LEMD2: variants seen among roughly 807,000 people sequenced by gnomAD.
The protein encoded by LEMD2 is LEM domain-containing protein 2.
A neutral mutation model predicts 58.8 loss-of-function variants in LEMD2; 34 were observed. The ratio of observed to expected loss-of-function variants is 0.58; its 90% confidence interval spans 0.44 to 0.77. The LOEUF (loss-of-function observed/expected upper bound fraction) is 0.77. Ranked by LOEUF, LEMD2 falls within the 30% of genes least tolerant of loss-of-function variation. LEMD2 has a pLI of 0.00. For synonymous variants in LEMD2, 298 were observed against 308.9 expected (o/e 0.96, Z 0.37); for missense variants, 629 against 717.9 (o/e 0.88, Z 1.42).
chr6:33,778,767 T>A lies in LEMD2; in HGVS notation c.1011-380A>T, dbSNP rs916237621. 2 of 162,244 alleles carry A rather than the reference T, an allele frequency of 1.2e-5. No homozygotes were observed. Among genetic ancestry groups the A allele is most frequent in the Non-Finnish European group, 2.7e-5 (2 of 75,094 alleles). The allele number at this position is 162,244 out of a possible 1,614,324, so 10.1% of individuals were successfully genotyped here. A position where few individuals can be genotyped will look rare whatever the true frequency, so the allele number is the denominator to read the frequency against. ...GCATGGCAAGAACTGAAAGACAGAA[T>A]CTGGGAGGTTGCACTTTTCCTCGGT... On this transcript the variant is annotated intron_variant, in intron 5 of 8. Transcript: ENST00000293760. This position sits in a 1 kb window ranked among gnomAD's most constrained non-coding sequence, Gnocchi z 4.7.
At chr6:33,776,688 A>G (rs1354146474) in intron 8 of LEMD2, 11 of 485,318 alleles carry the variant, frequency 2.3e-5, no homozygotes, top group East Asian at 1.1e-4. Flanking sequence ...TTGGAGCCCA[A>G]GGCCTCCTAA....
chr6:33,772,429 C>A lies in LEMD2; in HGVS notation c.*199G>T. The A allele has an allele frequency of 1.9e-6, 1 of 524,968 alleles. No homozygotes were observed. The highest frequency in any genetic ancestry group is 3.3e-6 in the Non-Finnish European group (1 of 298,554). 32.5% of individuals were successfully genotyped at this position (524,968 alleles called of 1,614,324 possible). On this transcript the variant is annotated 3_prime_UTR_variant, in exon 9 of 9. Transcript: ENST00000293760. ...CTGGGCTATCACCCTGGCTTCTCCC[C>A]CTCCCTTTAAAGGAAGCCCACATTT...
intron 1 of LEMD2, among the ~76,000 whole-genome samples, chr6:33,787,583 G>A (rs1309706697): frequency 6.6e-6 from 1 of 152,240 alleles, no homozygotes; most frequent in African/African-American, 2.4e-5. Flanking sequence ...TTAAAAGTTG[G>A]TGAACTACAG....
At chr6:33,780,210 G>A (rs758648416) in intron 4 of LEMD2, 31 bp from the exon 5 acceptor site, 16 of 1,540,104 alleles carry the variant, frequency 1.0e-5, no homozygotes, top group Middle Eastern at 1.7e-4. Flanking sequence ...AGGTTAGTTC[G>A]GCGTCTGGGC....
At position 33,772,710 on chromosome 6, in the gene LEMD2, G is replaced by A. The variant is rs138593836; in HGVS notation, c.1430C>T (p.Thr477Met). The change falls in exon 9 of 9, where the codon ACG (threonine) becomes ATG (methionine). Residue 477 changes from threonine to methionine, a missense_variant. Physicochemically the swap from Thr to Met is moderately conservative, Grantham distance 81. Around this residue, in one of 2 missense-constraint regions of LEMD2, gnomAD observed 243 missense variants for 336.8 expected, o/e 0.72. Coordinates refer to ENST00000293760, the MANE Select transcript of LEMD2 (RefSeq NM_181336.4). Reference protein sequence around the residue: ...FLASNESRIQTESHRVAGEDM... With the variant: ...FLASNESRIQMESHRVAGEDM... ...CTCTCCTGCAACGCGGTGGGACTCCGTCTGGATCCGGGATTCGTTGGAGGC... is the reference window on the plus strand; with the variant it reads ...CTCTCCTGCAACGCGGTGGGACTCCATCTGGATCCGGGATTCGTTGGAGGC... 8.2e-4 allele frequency: 1,328 copies of A among 1,614,014 alleles called. No homozygotes were observed. Among genetic ancestry groups the A allele is most frequent in the Non-Finnish European group, 1.1e-3 (1,275 of 1,179,974 alleles).
chr6:33,788,674 G>A lies in LEMD2; in HGVS notation c.443C>T (p.Pro148Leu). ...ACCCGGGCCCTGCGTGGCCCTGTCGGGCGTCCGGGCGTCCTCGTCCTCCTC... is the reference window on the plus strand; with the variant it reads ...ACCCGGGCCCTGCGTGGCCCTGTCGAGCGTCCGGGCGTCCTCGTCCTCCTC... ...SSEEDEDARTPDRATQGPGLA... is the reference protein window; with the variant it reads ...SSEEDEDARTLDRATQGPGLA... The change falls in exon 1 of 9, where the codon CCC becomes CTC. Residue 148 changes from proline (P) to leucine (L), a missense_variant. Pro to Leu is a moderately conservative substitution (Grantham distance 98). Transcript: ENST00000293760. 1 of 1,332,700 alleles carries A rather than the reference G, an allele frequency of 7.5e-7. No homozygotes were observed. The highest frequency in any genetic ancestry group is 9.6e-7 in the Non-Finnish European group (1 of 1,041,840). The allele number at this position is 1,332,700 out of a possible 1,614,324, so 82.6% of individuals were successfully genotyped here. A position where few individuals can be genotyped will look rare whatever the true frequency, so the allele number is the denominator to read the frequency against.
Position 33,772,742 on chromosome 6 carries a change from C to G in LEMD2, c.1398G>C (p.Glu466Asp), listed in dbSNP as rs376495627. ...RMKRVWDRAV[E>D]FLASNESRIQ... Reference sequence around the variant, plus strand: ...TCCGGGATTCGTTGGAGGCCAGGAACTCCACAGCTCGGTCCCAGACACGCT... The same window carrying G: ...TCCGGGATTCGTTGGAGGCCAGGAAGTCCACAGCTCGGTCCCAGACACGCT... Residue 466 changes from glutamate (E) to aspartate (D), a missense_variant, in exon 9 of 9, where the codon GAG becomes GAC. This residue lies in a region of LEMD2 where 243 missense variants were observed against 336.8 expected (regional missense o/e 0.72). Coordinates refer to ENST00000293760, the MANE Select transcript of LEMD2 (RefSeq NM_181336.4). The G allele has an allele frequency of 3.7e-6, 6 of 1,613,826 alleles. No individual in the cohort carries two copies. The highest frequency in any genetic ancestry group is 5.1e-6 in the Non-Finnish European group (6 of 1,180,008).
intron 3 of LEMD2, among the ~76,000 whole-genome samples, chr6:33,782,902 G>A (rs146019584): frequency 6.6e-5 from 10 of 152,348 alleles, no homozygotes; most frequent in South Asian, 2.1e-4. Flanking sequence ...CCTTCAAGGC[G>A]GCCCCCCAGG....
At chr6:33,777,890 C>G (rs1426644331) in intron 6 of LEMD2, among the ~76,000 whole-genome samples, 1 of 152,218 alleles carries the variant, frequency 6.6e-6, no homozygotes, top group African/African-American at 2.4e-5. Context: ...GGCCAAGCCC[C>G]TGCTGTGCCT....
intron 2 of LEMD2, among the ~76,000 whole-genome samples, chr6:33,784,989 G>A (rs1767644174): frequency 6.6e-6 from 1 of 152,196 alleles, no homozygotes; most frequent in Admixed American, 6.5e-5. Context: ...ACCACCTAAA[G>A]GAAACAGGAG....
In LEMD2 at chr6:33,772,482, T is replaced by C; in HGVS notation, c.*146A>G. ...CTGCGAGCCGAACTCCTCTGAAGAGTATGGCAGACCTTTGGAATCGTGTCA... is the reference window on the plus strand; with the variant it reads ...CTGCGAGCCGAACTCCTCTGAAGAGCATGGCAGACCTTTGGAATCGTGTCA... On this transcript the variant is annotated 3_prime_UTR_variant, in exon 9 of 9. Coordinates refer to ENST00000293760, the MANE Select transcript of LEMD2 (RefSeq NM_181336.4). 2.7e-6 allele frequency: 2 copies of C among 735,814 alleles called. No homozygotes were observed. Among genetic ancestry groups the C allele is most frequent in the South Asian group, 1.9e-5 (1 of 52,090 alleles). 45.6% of individuals were successfully genotyped at this position (735,814 alleles called of 1,614,324 possible). A position where few individuals can be genotyped will look rare whatever the true frequency, so the allele number is the denominator to read the frequency against.
chr6:33,784,543 A>G, intron 2 of LEMD2, 116 bp from the exon 3 acceptor site: 2 of 689,724 alleles, frequency 2.9e-6, no homozygotes, highest in Non-Finnish European at 5.0e-6. Context: ...AATATCTCAT[A>G]CTTTTACAAA....
In LEMD2 at chr6:33,772,700, G is replaced by C. The variant is rs1389959250; in HGVS notation, c.1440C>G (p.His480Gln). ...SNESRIQTES[H>Q]RVAGEDMLVW... Reference sequence around the variant, plus strand: ...CCAGCATGTCCTCTCCTGCAACGCGGTGGGACTCCGTCTGGATCCGGGATT... The same window carrying C: ...CCAGCATGTCCTCTCCTGCAACGCGCTGGGACTCCGTCTGGATCCGGGATT... Residue 480 changes from histidine (H) to glutamine (Q), a missense_variant, in exon 9 of 9, where the codon CAC (histidine) becomes CAG (glutamine). By Grantham distance (24) the His-to-Gln change is conservative. Coordinates refer to ENST00000293760, the MANE Select transcript of LEMD2 (RefSeq NM_181336.4). 1 of 1,614,036 alleles carries C rather than the reference G, an allele frequency of 6.2e-7. No homozygotes were observed. The highest frequency in any genetic ancestry group is 8.5e-7 in the Non-Finnish European group (1 of 1,179,990).
In LEMD2 at chr6:33,771,295, C is replaced by T. The variant is rs1334531656; in HGVS notation, c.*1333G>A. On this transcript the variant is annotated 3_prime_UTR_variant, in exon 9 of 9. Coordinates refer to ENST00000293760, the MANE Select transcript of LEMD2 (RefSeq NM_181336.4). ...GTTGCGGTGTTTCTTATTTTTCTGG[C>T]TGGAGCCTGATTATGAGAACATGGC... 1.3e-5 allele frequency: 2 copies of T among 152,222 alleles called. No individual in the cohort carries two copies. Among genetic ancestry groups the T allele is most frequent in the Non-Finnish European group, 2.9e-5 (2 of 68,054 alleles). The allele number at this position is 152,222 out of a possible 1,614,324, so 9.4% of individuals were successfully genotyped here.
intron 8 of LEMD2, among the ~76,000 whole-genome samples, chr6:33,773,576 G>A (rs1199705670): frequency 7.3e-6 from 1 of 137,412 alleles, no homozygotes; most frequent in African/African-American, 2.6e-5. Context: ...AAACGGAGGT[G>A]GCCAGTGAGT....
Position 33,771,934 on chromosome 6 carries a change from GGGCC to G in LEMD2, c.*690_*693del, listed in dbSNP as rs1582247577. On this transcript the variant is annotated 3_prime_UTR_variant, in exon 9 of 9. Coordinates refer to ENST00000293760, the MANE Select transcript of LEMD2 (RefSeq NM_181336.4). ...CTTCTGTGAGAAGCAACACTGAGGC[GGGCC>G]CGCCCGCCCTGGGGCTGCCCGACCC... 1 of 134,816 alleles carries G rather than the reference GGGCC, an allele frequency of 7.4e-6. No homozygotes were observed. The highest frequency in any genetic ancestry group is 3.7e-4 in the East Asian group (1 of 2,738). 8.4% of individuals were successfully genotyped at this position (134,816 alleles called of 1,614,324 possible).
intron 2 of LEMD2, among the ~76,000 whole-genome samples, chr6:33,785,240 G>A (rs111503930): frequency 3.3e-5 from 5 of 152,086 alleles, no homozygotes; most frequent in Non-Finnish European, 5.9e-5. Flanking sequence ...CAAGAAACAC[G>A]TCCCCACCTG....
At chr6:33,783,906 A>G (rs562568892) in intron 3 of LEMD2, among the ~76,000 whole-genome samples, 2 of 152,306 alleles carry the variant, frequency 1.3e-5, no homozygotes, top group South Asian at 4.1e-4. Flanking sequence ...AGGGCCCACT[A>G]CACAGACTAT....
At position 33,772,764 on chromosome 6, in the gene LEMD2, C is replaced by T. The variant is rs200171402; in HGVS notation, c.1376G>A (p.Arg459His). The stretch of plus-strand genomic sequence containing the variant: ...GAACTCCACAGCTCGGTCCCAGACA[C>T]GCTTCATGCGCCTCCTGCAATGAGA... ...IPPQSRRRMKRVWDRAVEFLA... is the reference protein window; with the variant it reads ...IPPQSRRRMKHVWDRAVEFLA... Residue 459 changes from arginine (R) to histidine (H), a missense_variant, in exon 9 of 9, where the codon CGT becomes CAT. Coordinates refer to ENST00000293760, the MANE Select transcript of LEMD2 (RefSeq NM_181336.4). The T allele has an allele frequency of 3.7e-5, 59 of 1,613,430 alleles. No individual in the cohort carries two copies. The Middle Eastern group carries it at 5.0e-4, about 14-fold the overall frequency.
Sources: gnomAD v4.1 joint callset for allele counts (sites outside exome capture counted in the v4.1 genomes callset) on GRCh38, gnomAD v4.1.1 for gene constraint, gnomAD v4.1.1 regional missense constraint, Gnocchi (gnomAD v3.1) non-coding constraint, MANE v1.5 for transcripts, NCBI Gene and HGNC (gene_info 2026-07-23, HGNC 2026-07-21) for gene names.